The following DEFB119 variants were observed in gnomAD, a reference collection of about 807,000 sequenced individuals.
The protein encoded by DEFB119 is defensin beta 119.
A neutral mutation model predicts 2.5 loss-of-function variants in DEFB119; 3 were observed. The ratio of observed to expected loss-of-function variants is 1.19; its 90% CI spans 0.54 to 3.07. The LOEUF (loss-of-function observed/expected upper bound fraction) is 3.07, where lower values mean the gene tolerates loss of function less well. DEFB119 is among the 30% of genes most tolerant of loss of function. DEFB119 has a pLI of 0.03. For missense variants in DEFB119, 113 were observed against 101.1 expected (o/e 1.12, Z -0.50); for synonymous variants, 29 against 33.7 (o/e 0.86, Z 0.48).
intron 1 of DEFB119, among the ~76,000 whole-genome samples, chr20:31,381,644 T>C (rs1217390434): frequency 6.6e-6 from 1 of 152,112 alleles, no homozygotes; most frequent in Non-Finnish European, 1.5e-5. Flanking sequence ...AAAACCCATC[T>C]CTACAAAAAA....
At chr20:31,386,245 G>A (rs1041144111) in intron 1 of DEFB119, among the ~76,000 whole-genome samples, 1 of 152,150 alleles carries the variant, frequency 6.6e-6, no homozygotes, top group Non-Finnish European at 1.5e-5. Flanking sequence ...GAGAAAACCT[G>A]GGGGCAGGGA....
In DEFB119 at chr20:31,377,189, G is replaced by C; in HGVS notation, c.*57C>G. Reference sequence around the variant, plus strand: ...TAGCAGGCACATGAATTTTAATGAGGGGGGTTGACAGCAGGTCTCTGTGCC... The same window carrying C: ...TAGCAGGCACATGAATTTTAATGAGCGGGGTTGACAGCAGGTCTCTGTGCC... On this transcript the variant is annotated 3_prime_UTR_variant, in exon 2 of 2. Coordinates refer to ENST00000376321, the MANE Select transcript of DEFB119 (RefSeq NM_153289.4). The C allele has an allele frequency of 6.7e-7, 1 of 1,503,148 alleles. No homozygotes were observed. Among genetic ancestry groups the C allele is most frequent in the Non-Finnish European group, 8.9e-7 (1 of 1,117,482 alleles). The allele number at this position is 1,503,148 out of a possible 1,614,324, so 93.1% of individuals were successfully genotyped here.
intron 1 of DEFB119, among the ~76,000 whole-genome samples, chr20:31,386,638 A>G (rs1986712076): frequency 6.6e-6 from 1 of 152,078 alleles, no homozygotes; most frequent in African/African-American, 2.4e-5. Flanking sequence ...AGTAAAATAG[A>G]GTTTATCAGA....
intron 1 of DEFB119, among the ~76,000 whole-genome samples, chr20:31,387,818 C>G (rs1986768181): frequency 6.6e-6 from 1 of 152,180 alleles, no homozygotes; most frequent in African/African-American, 2.4e-5. Flanking sequence ...GGAGGGCAGG[C>G]AGAGGCTCCT....
chr20:31,390,260 A>G (rs1268052249), intron 1 of DEFB119, among the ~76,000 whole-genome samples, 163 bp downstream of exon 1: 2 of 152,010 alleles, frequency 1.3e-5, no homozygotes, highest in African/African-American at 4.8e-5. Context: ...CACTCTGGCA[A>G]AAAAGAATCA....
chr20:31,382,988 G>A (rs1292401854), intron 1 of DEFB119, among the ~76,000 whole-genome samples: 1 of 152,118 alleles, frequency 6.6e-6, no homozygotes, highest in African/African-American at 2.4e-5. Context: ...CCTAGAAAAG[G>A]GACATCAAAT....
At chr20:31,386,756 G>A (rs534218427) in intron 1 of DEFB119, among the ~76,000 whole-genome samples, 1 of 151,970 alleles carries the variant, frequency 6.6e-6, no homozygotes, top group African/African-American at 2.4e-5. Flanking sequence ...AGCTCTGTAG[G>A]GTGACTATAG....
At chr20:31,381,461 TACTC>T (rs1398084513) in intron 1 of DEFB119, among the ~76,000 whole-genome samples, 5 of 152,210 alleles carry the variant, frequency 3.3e-5, no homozygotes, top group African/African-American at 1.2e-4. Context: ...TGGCTAGAAA[TACTC>T]AGAACTAAAA....
rs539375874 is a variant in DEFB119 at position 31,379,343 on chromosome 20, A to T, written c.62-1904T>A. Among the ~76,000 whole-genome samples, 46 of 152,324 alleles carry T rather than the reference A, an allele frequency of 3.0e-4. 2 individuals are homozygous for T. The South Asian group carries it at 9.1e-3, about 30-fold the overall frequency. On this transcript the variant is annotated intron_variant, in intron 1 of 1. Transcript: ENST00000376321. ...ATTTTAGCTGCTCTAATAAGTATGT[A>T]GTAGTATCTCATTCTAGTCTTTATA...
chr20:31,388,526 A>G (rs1269637206), intron 1 of DEFB119, among the ~76,000 whole-genome samples: 1 of 152,254 alleles, frequency 6.6e-6, no homozygotes, highest in Non-Finnish European at 1.5e-5. Flanking sequence ...TCATATATAA[A>G]TAAGCAAATC....
At chr20:31,384,986 A>G (rs1986640690) in intron 1 of DEFB119, among the ~76,000 whole-genome samples, 1 of 152,202 alleles carries the variant, frequency 6.6e-6, no homozygotes, top group African/African-American at 2.4e-5. Context: ...TTCAAAAATA[A>G]AAGAAAAGAA....
chr20:31,381,581 G>A (rs1986507074), intron 1 of DEFB119, among the ~76,000 whole-genome samples: 1 of 152,234 alleles, frequency 6.6e-6, no homozygotes, highest in African/African-American at 2.4e-5. Flanking sequence ...GTGAGGCCAA[G>A]GCGGGAAGAT....
intron 1 of DEFB119, among the ~76,000 whole-genome samples, chr20:31,386,188 A>G (rs913716331): frequency 3.3e-5 from 5 of 152,194 alleles, no homozygotes; most frequent in African/African-American, 9.7e-5. Flanking sequence ...AGAATGACAT[A>G]GAGAAGTTTC....
In DEFB119 at chr20:31,390,569, T is replaced by C. The variant is rs970225681; in HGVS notation, c.-86A>G. On this transcript the variant is annotated 5_prime_UTR_variant, in exon 1 of 2. Coordinates refer to ENST00000376321, the MANE Select transcript of DEFB119 (RefSeq NM_153289.4). ...GCAGCACGGCAGAGATGAGCTTTGCTTTTATCAGCAGGGCTGTGGGCAGTG... is the reference window on the plus strand; with the variant it reads ...GCAGCACGGCAGAGATGAGCTTTGCCTTTATCAGCAGGGCTGTGGGCAGTG... The C allele has an allele frequency of 1.5e-6, 2 of 1,343,144 alleles. No individual in the cohort carries two copies. The highest frequency in any genetic ancestry group is 2.9e-5 in the African/African-American group (2 of 67,980). 83.2% of individuals were successfully genotyped at this position (1,343,144 alleles called of 1,614,324 possible).
chr20:31,380,022 T>C (rs1175968993), intron 1 of DEFB119, among the ~76,000 whole-genome samples: 8 of 152,180 alleles, frequency 5.3e-5, no homozygotes, highest in African/African-American at 1.2e-4. Flanking sequence ...CTTTGTCAGA[T>C]ATATGGTTTG....
intron 1 of DEFB119, among the ~76,000 whole-genome samples, chr20:31,383,500 C>G (rs1369971558): frequency 7.0e-6 from 1 of 141,986 alleles, no homozygotes; most frequent in East Asian, 2.1e-4. Context: ...TGCCACTGCA[C>G]TCCAGCCTGG....
chr20:31,384,503 A>C (rs1568730620), intron 1 of DEFB119, among the ~76,000 whole-genome samples: 1 of 152,226 alleles, frequency 6.6e-6, no homozygotes, highest in Non-Finnish European at 1.5e-5. Flanking sequence ...TATAAGAAGA[A>C]AGAAAAGAGT....
chr20:31,388,384 T>G, intron 1 of DEFB119: 1 of 905,144 alleles, frequency 1.1e-6, no homozygotes, highest in Non-Finnish European at 1.3e-6. Flanking sequence ...ACAATTACTC[T>G]AATTTACAGA....
At chr20:31,386,385 T>TC (rs1289643609) in intron 1 of DEFB119, among the ~76,000 whole-genome samples, 1 of 152,084 alleles carries the variant, frequency 6.6e-6, no homozygotes, top group East Asian at 1.9e-4. Context: ...AGCTCCTGCC[T>TC]CTGAAGTGGG....
Sources: gnomAD v4.1 joint callset for allele counts (sites outside exome capture counted in the v4.1 genomes callset) on GRCh38, gnomAD v4.1.1 for gene constraint, MANE v1.5 for transcripts, NCBI Gene and HGNC (gene_info 2026-07-23, HGNC 2026-07-21) for gene names.